NRXN3: variants seen among roughly 807,000 people sequenced by gnomAD.
NRXN3 encodes the protein neurexin III.
Under a neutral mutation model 137.6 loss-of-function variants are expected in NRXN3, and 32 were observed. The observed-to-expected ratio is 0.23, with a 90% CI of 0.18 to 0.31. The LOEUF (loss-of-function observed/expected upper bound fraction) is 0.31. Ranked by LOEUF, NRXN3 falls within the 10% of genes least tolerant of loss-of-function variation. The pLI is 1.00. For missense variants in NRXN3, 1,574 were observed against 2,062.5 expected (o/e 0.76, Z 4.59); for synonymous variants, 798 against 784.5 (o/e 1.02, Z -0.29).
At chr14:79,118,276 G>C (rs563397348) in intron 15 of NRXN3, among the ~76,000 whole-genome samples, 1 of 151,946 alleles carries the variant, frequency 6.6e-6, no homozygotes, top group Non-Finnish European at 1.5e-5. Context: ...GCTCACAAAA[G>C]CTTCAGCAAA....
At chr14:78,632,864 T>C (rs1342952115) in intron 4 of NRXN3, among the ~76,000 whole-genome samples, 2 of 152,176 alleles carry the variant, frequency 1.3e-5, no homozygotes, top group East Asian at 3.8e-4. Context: ...TGAAGCATAA[T>C]ACAGGTTCAA....
At chr14:79,696,226 A>G (rs1267531729) in intron 18 of NRXN3, among the ~76,000 whole-genome samples, 1 of 151,992 alleles carries the variant, frequency 6.6e-6, no homozygotes, top group Non-Finnish European at 1.5e-5. Context: ...TAGATTTTTA[A>G]AGCCCAAACG....
intron 4 of NRXN3, among the ~76,000 whole-genome samples, chr14:78,489,413 G>A (rs2095623345): frequency 6.6e-6 from 1 of 152,142 alleles, no homozygotes; most frequent in African/African-American, 2.4e-5. Context: ...ACTGGCTAAT[G>A]TAAGTGTGCC....
chr14:79,382,480 T>C (rs960317878), intron 15 of NRXN3, among the ~76,000 whole-genome samples: 1 of 152,080 alleles, frequency 6.6e-6, no homozygotes, highest in African/African-American at 2.4e-5. Flanking sequence ...AACATGATGT[T>C]CTGTCAGTCG....
intron 15 of NRXN3, among the ~76,000 whole-genome samples, chr14:79,395,949 ATATCT>A (rs1248725372): frequency 6.6e-6 from 1 of 152,206 alleles, no homozygotes; most frequent in African/African-American, 2.4e-5. Flanking sequence ...CATGAGGTAA[ATATCT>A]TAAAGAATTG....
chr14:78,984,697 G>A (rs2099498565), intron 14 of NRXN3, among the ~76,000 whole-genome samples: 1 of 152,196 alleles, frequency 6.6e-6, no homozygotes, highest in Non-Finnish European at 1.5e-5. Flanking sequence ...CCCCCAGTCA[G>A]TAGGTCTGGG....
chr14:78,304,536 T>C (rs542217158), intron 4 of NRXN3, among the ~76,000 whole-genome samples: 7 of 152,320 alleles, frequency 4.6e-5, no homozygotes, highest in African/African-American at 1.7e-4. Flanking sequence ...CAACCAGCCT[T>C]GGTCAGGTAT....
chr14:78,611,696 C>T (rs2097302380), intron 4 of NRXN3, among the ~76,000 whole-genome samples: 1 of 152,150 alleles, frequency 6.6e-6, no homozygotes. Flanking sequence ...TTTCTAGCCC[C>T]TAGACAGGAC....
At chr14:79,525,727 TAA>T (rs2153709472) in intron 16 of NRXN3, among the ~76,000 whole-genome samples, 1 of 152,340 alleles carries the variant, frequency 6.6e-6, no homozygotes, top group South Asian at 2.1e-4. Context: ...TCATTAACAT[TAA>T]GTTTTATTGC....
intron 20 of NRXN3, among the ~76,000 whole-genome samples, chr14:79,841,063 G>T (rs1222359025): frequency 6.6e-6 from 1 of 152,138 alleles, no homozygotes; most frequent in Non-Finnish European, 1.5e-5. Context: ...TACATCTGCA[G>T]GGCTCCTCTA....
intron 6 of NRXN3, among the ~76,000 whole-genome samples, chr14:78,698,470 G>T (rs746396906): frequency 3.9e-5 from 6 of 152,162 alleles, no homozygotes; most frequent in Non-Finnish European, 8.8e-5. Context: ...TTGGAGAGTC[G>T]TTCTTGTTCT....
chr14:78,650,386 G>T (rs992718857), intron 5 of NRXN3, among the ~76,000 whole-genome samples: 1 of 151,852 alleles, frequency 6.6e-6, no homozygotes, highest in Non-Finnish European at 1.5e-5. Context: ...ATGGATGTTG[G>T]GTAAAAGGGT....
intron 10 of NRXN3, among the ~76,000 whole-genome samples, chr14:78,862,221 A>G (rs1379256392): frequency 6.6e-6 from 1 of 151,846 alleles, no homozygotes; most frequent in Non-Finnish European, 1.5e-5. Flanking sequence ...AAGAATATCT[A>G]TAACAAGATT....
intron 4 of NRXN3, among the ~76,000 whole-genome samples, chr14:78,332,869 G>A (rs2081005902): frequency 6.6e-6 from 1 of 152,080 alleles, no homozygotes; most frequent in South Asian, 2.1e-4. Flanking sequence ...AATTTTCTGA[G>A]CATTTGACCT....
chr14:79,860,265 T>G (rs2099411565), intron 20 of NRXN3, among the ~76,000 whole-genome samples: 1 of 152,226 alleles, frequency 6.6e-6, no homozygotes, highest in Non-Finnish European at 1.5e-5. Flanking sequence ...AAGTCATGGA[T>G]ATCTAGGCTG....
chr14:79,272,252 T>A (rs1411501351), intron 15 of NRXN3, among the ~76,000 whole-genome samples: 1 of 151,608 alleles, frequency 6.6e-6, no homozygotes, highest in Non-Finnish European at 1.5e-5. Context: ...TTTATTTACT[T>A]CCTAAGGCCT....
chr14:79,117,871 C>T (rs1272230752), intron 15 of NRXN3, among the ~76,000 whole-genome samples: 1 of 152,122 alleles, frequency 6.6e-6, no homozygotes, highest in Non-Finnish European at 1.5e-5. Flanking sequence ...CCACCAAGGC[C>T]TGGGCTATGC....
At chr14:78,567,864 A>G (rs1476031769) in intron 4 of NRXN3, among the ~76,000 whole-genome samples, 1 of 152,122 alleles carries the variant, frequency 6.6e-6, no homozygotes, top group African/African-American at 2.4e-5. Flanking sequence ...AAGATGGCAG[A>G]ATTCATCTTC....
intron 16 of NRXN3, among the ~76,000 whole-genome samples, chr14:79,597,714 G>C (rs2097873836): frequency 6.6e-6 from 1 of 152,100 alleles, no homozygotes; most frequent in Admixed American, 6.6e-5. Flanking sequence ...TGAAAGTGGA[G>C]GTCAGCGTGA....
Sources: gnomAD v4.1 joint callset for allele counts (sites outside exome capture counted in the v4.1 genomes callset) on GRCh38, gnomAD v4.1.1 for gene constraint, MANE v1.5 for transcripts, NCBI Gene and HGNC (gene_info 2026-07-23, HGNC 2026-07-21) for gene names.